Variants in PLD5 observed in about 807,000 individuals in gnomAD.
PLD5 encodes the protein phospholipase D family member 5, also known as inactive phospholipase D5.
A neutral mutation model predicts 61.1 loss-of-function variants in PLD5; 36 were observed. The observed-to-expected ratio is 0.59, with a 90% CI of 0.45 to 0.78. The LOEUF is 0.78. Among genes scored for constraint, PLD5 ranks in the 30% least tolerant of loss-of-function variants. PLD5 has a pLI of 0.00. For synonymous variants in PLD5, 243 were observed against 242.8 expected (o/e 1.00, Z -0.01); for missense variants, 515 against 644.4 (o/e 0.80, Z 2.17).
chr1:242,345,309 A>T (rs3905159), intron 2 of PLD5, among the ~76,000 whole-genome samples: 16 of 152,242 alleles, frequency 1.1e-4, no homozygotes, highest in Non-Finnish European at 1.9e-4. Flanking sequence ...TAGAATGTAG[A>T]TTTAAATTCA....
chr1:242,524,494 G>T lies in PLD5; in HGVS notation c.-218C>A. The T allele has an allele frequency of 3.9e-6, 1 of 258,060 alleles. No homozygotes were observed. The highest frequency in any genetic ancestry group is 1.7e-4 in the South Asian group (1 of 5,806). The allele number at this position is 258,060 out of a possible 1,614,324, so 16.0% of individuals were successfully genotyped here. ...GGAGGGGGCGATCGCGGGAGGCGCG[G>T]GGCGGAAGGAGGGAGGGCGAGGTGC... is the stretch of plus-strand genomic sequence containing the variant. On this transcript the variant is annotated 5_prime_UTR_variant, in exon 1 of 10. Coordinates refer to ENST00000536534, the MANE Select transcript of PLD5 (RefSeq NM_001372062.1).
intron 1 of PLD5, among the ~76,000 whole-genome samples, chr1:242,350,526 G>A (rs1421728126): frequency 2.0e-5 from 3 of 151,122 alleles, no homozygotes; most frequent in Non-Finnish European, 2.9e-5. Context: ...CTTACCACCC[G>A]GCTTCACTTT....
chr1:242,515,871 C>T (rs1572277927), intron 1 of PLD5, among the ~76,000 whole-genome samples: 1 of 152,204 alleles, frequency 6.6e-6, no homozygotes, highest in East Asian at 1.9e-4. Context: ...GTAGATACTG[C>T]AAAAACAGTT....
intron 5 of PLD5, among the ~76,000 whole-genome samples, chr1:242,185,246 C>T (rs955196833): frequency 1.3e-5 from 2 of 152,074 alleles, no homozygotes; most frequent in Non-Finnish European, 2.9e-5. Context: ...GCTTTGTTTG[C>T]CAAATGCAAT....
At chr1:242,096,517 T>C (rs533462373) in intron 9 of PLD5, among the ~76,000 whole-genome samples, 3 of 152,032 alleles carry the variant, frequency 2.0e-5, no homozygotes, top group Non-Finnish European at 4.4e-5. Context: ...AATTTTTGTA[T>C]TTTTAGTAGA....
chr1:242,350,897 C>CTTTTTTTTTTT (rs149135759), intron 1 of PLD5, among the ~76,000 whole-genome samples: 1 of 142,830 alleles, frequency 7.0e-6, no homozygotes. Context: ...CTGTTTTATT[C>CTTTTTTTTTTT]TTTTTTTTTT....
At chr1:242,193,489 T>C (rs1668413487) in intron 5 of PLD5, among the ~76,000 whole-genome samples, 1 of 152,180 alleles carries the variant, frequency 6.6e-6, no homozygotes, top group African/African-American at 2.4e-5. Context: ...ACGGAGGGGT[T>C]CCCCTTGCCA....
chr1:242,511,264 A>G (rs1668898414), intron 1 of PLD5, among the ~76,000 whole-genome samples: 1 of 152,196 alleles, frequency 6.6e-6, no homozygotes, highest in Admixed American at 6.5e-5. Flanking sequence ...TAAAGGTTTG[A>G]ATAAATAAGA....
intron 1 of PLD5, among the ~76,000 whole-genome samples, chr1:242,357,588 C>T (rs145641410): frequency 3.3e-3 from 499 of 151,472 alleles, no homozygotes; most frequent in African/African-American, 6.9e-3. Context: ...CAGGTTCAAG[C>T]GATTCTTCTG....
At chr1:242,322,426 T>C (rs916708669) in intron 2 of PLD5, among the ~76,000 whole-genome samples, 3 of 152,194 alleles carry the variant, frequency 2.0e-5, no homozygotes, top group Non-Finnish European at 2.9e-5. Context: ...CCACAGTTGC[T>C]CTCTCTTCCT....
chr1:242,528,858 T>C (rs1461527151), upstream of PLD5, among the ~76,000 whole-genome samples: 1 of 152,226 alleles, frequency 6.6e-6, no homozygotes, highest in Non-Finnish European at 1.5e-5. Context: ...TTAGCAATTA[T>C]AAGTTGTATT....
intron 1 of PLD5, among the ~76,000 whole-genome samples, chr1:242,396,632 G>T (rs1229649739): frequency 6.7e-6 from 1 of 148,536 alleles, no homozygotes; most frequent in Non-Finnish European, 1.5e-5. Context: ...TTTGTCTTTA[G>T]TTGGAAGCCA....
chr1:242,484,129 C>T (rs1169636116), intron 1 of PLD5, among the ~76,000 whole-genome samples: 1 of 152,106 alleles, frequency 6.6e-6, no homozygotes, highest in Non-Finnish European at 1.5e-5. Context: ...AATTGACACC[C>T]TAACATCACA....
intron 5 of PLD5, among the ~76,000 whole-genome samples, chr1:242,128,525 G>A (rs181061721): frequency 6.6e-6 from 1 of 152,298 alleles, no homozygotes; most frequent in East Asian, 1.9e-4. Flanking sequence ...AGTAGTCACA[G>A]CACGTTCAGG....
intron 2 of PLD5, among the ~76,000 whole-genome samples, chr1:242,322,640 G>A (rs1480318731): frequency 3.3e-5 from 5 of 152,196 alleles, no homozygotes; most frequent in Admixed American, 3.3e-4. Context: ...TCCCCTTGCT[G>A]TTCCCATGAT....
chr1:242,087,716 A>G lies in PLD5; in HGVS notation c.*2138T>C, dbSNP rs1659539510. 6.6e-6 allele frequency: 1 copy of G among 152,270 alleles called. No homozygotes were observed. Among genetic ancestry groups the G allele is most frequent in the Non-Finnish European group, 1.5e-5 (1 of 68,068 alleles). The allele number at this position is 152,270 out of a possible 1,614,324, so 9.4% of individuals were successfully genotyped here. A position where few individuals can be genotyped will look rare whatever the true frequency, so the allele number is the denominator to read the frequency against. On this transcript the variant is annotated 3_prime_UTR_variant, in exon 10 of 10. Transcript: ENST00000536534. The stretch of plus-strand genomic sequence containing the variant: ...TGCCTTGGCCTTCCAAAGCGCTGGG[A>G]TGACAGGCGTGAGCCACCGCACCCA...
At chr1:242,211,663 C>A (rs1235467953) in intron 5 of PLD5, among the ~76,000 whole-genome samples, 1 of 152,102 alleles carries the variant, frequency 6.6e-6, no homozygotes, top group Admixed American at 6.6e-5. Flanking sequence ...GTAGGACAGA[C>A]CCCCACAAGT....
rs60912069 is a variant in PLD5 at position 242,256,306 on chromosome 1, G to A, written c.607+9031C>T. Among the ~76,000 whole-genome samples, 7 of 152,286 alleles carry A rather than the reference G, an allele frequency of 4.6e-5. No homozygotes were observed. Among genetic ancestry groups the A allele is most frequent in the African/African-American group, 1.7e-4 (7 of 41,572 alleles). On this transcript the variant is annotated intron_variant, in intron 4 of 9. Transcript: ENST00000536534. The surrounding 1 kb of genome is among the most constrained non-coding windows in gnomAD (Gnocchi z 5.7). ...AGGAAACAATATGGATAAAAAGATA[G>A]GGAAATCTAGAAATTTAATTTTAAA...
chr1:242,129,820 T>C (rs1159821524), intron 5 of PLD5, among the ~76,000 whole-genome samples: 1 of 152,172 alleles, frequency 6.6e-6, no homozygotes, highest in Non-Finnish European at 1.5e-5. Context: ...GAATCTCCAA[T>C]GTCAATTATT....
Sources: allele counts gnomAD v4.1 joint callset (sites outside exome capture counted in the v4.1 genomes callset), GRCh38; gene constraint gnomAD v4.1.1; non-coding constraint Gnocchi (gnomAD v3.1); transcripts MANE v1.5; gene names NCBI Gene and HGNC (gene_info 2026-07-23, HGNC 2026-07-21).